TAFA1: variants seen among roughly 807,000 people sequenced by gnomAD.
TAFA1 encodes TAFA chemokine like family member 1, also known as chemokine-like protein TAFA-1.
Under a neutral mutation model 18.5 loss-of-function variants are expected in TAFA1, and 4 were observed. That is an observed-to-expected ratio of 0.22 (90% CI 0.11 to 0.49). The LOEUF (loss-of-function observed/expected upper bound fraction) is 0.49, where lower values mean the gene tolerates loss of function less well. TAFA1 is among the 20% of genes least tolerant of loss of function. TAFA1 has a pLI of 0.98. For missense variants in TAFA1, 147 were observed against 169.0 expected, an observed-to-expected ratio of 0.87 and a Z score of 0.72; for synonymous variants, 56 against 55.2, an observed-to-expected ratio of 1.01 and a Z score of -0.06.
At chr3:68,130,418 C>A (rs55942371) in intron 2 of TAFA1, among the ~76,000 whole-genome samples, 2,481 of 152,254 alleles carry the variant, frequency 0.016, 76 homozygotes, top group African/African-American at 0.057. Flanking sequence ...ATTTTTGCTG[C>A]TACCACACTC....
chr3:68,418,075 T>C (rs910237737), intron 3 of TAFA1, among the ~76,000 whole-genome samples: 1 of 152,072 alleles, frequency 6.6e-6, no homozygotes, highest in Non-Finnish European at 1.5e-5. Context: ...AAGGTCCAGC[T>C]CATTTGGGAA....
At chr3:68,496,001 A>C (rs2072541954) in intron 3 of TAFA1, among the ~76,000 whole-genome samples, 1 of 16,322 alleles carries the variant, frequency 6.1e-5, no homozygotes, top group Non-Finnish European at 2.0e-4. Flanking sequence ...CCTGAAGCAA[A>C]AAAAAAAAAA....
At chr3:68,366,104 AG>A (rs1427058974) in intron 2 of TAFA1, among the ~76,000 whole-genome samples, 14 of 151,008 alleles carry the variant, frequency 9.3e-5, no homozygotes, top group Non-Finnish European at 1.6e-4. Context: ...AAAAAAAAAA[AG>A]AAACCATCAG....
intron 2 of TAFA1, among the ~76,000 whole-genome samples, chr3:68,219,600 T>C (rs1024904121): frequency 6.6e-6 from 1 of 152,082 alleles, no homozygotes; most frequent in African/African-American, 2.4e-5. Flanking sequence ...TTTTCTCACA[T>C]AGGGCTGTTT....
chr3:68,078,922 C>T (rs573573710), intron 2 of TAFA1, among the ~76,000 whole-genome samples: 3 of 152,320 alleles, frequency 2.0e-5, no homozygotes, highest in Admixed American at 2.0e-4. Context: ...TAGAATTCGG[C>T]TGTGAATCCA....
In TAFA1 at chr3:68,417,296, A is replaced by G; in HGVS notation, c.135A>G (p.Glu45=). ...TCTTGCCAGAAGGAGGGACGTGTGA[A>G]GTGATAGCAGCACACCGATGTTGTA... is the stretch of plus-strand genomic sequence containing the variant. The part of the protein sequence containing the change: ...HLHRPEGGTC[E]VIAAHRCCNK... Residue 45 remains glutamate (E), a synonymous_variant, in exon 3 of 5, where the codon GAA becomes GAG. Transcript: ENST00000478136. 1.9e-6 allele frequency: 3 copies of G among 1,613,098 alleles called. No individual in the cohort carries two copies. The highest frequency in any genetic ancestry group is 2.5e-6 in the Non-Finnish European group (3 of 1,179,464).
chr3:68,464,699 T>C (rs1207333247), intron 3 of TAFA1, among the ~76,000 whole-genome samples: 4 of 152,154 alleles, frequency 2.6e-5, no homozygotes. Context: ...AGTGACATTA[T>C]ATGATTTGTT....
the TAFA1 span, among the ~76,000 whole-genome samples, chr3:67,997,911 A>C: frequency 6.6e-6 from 1 of 152,136 alleles, no homozygotes; most frequent in Non-Finnish European, 1.5e-5. Flanking sequence ...ACAAAAGCAC[A>C]ATACTTTAGA....
intron 3 of TAFA1, among the ~76,000 whole-genome samples, chr3:68,515,047 G>A (rs2072901177): frequency 6.6e-6 from 1 of 152,138 alleles, no homozygotes; most frequent in Admixed American, 6.5e-5. Flanking sequence ...AATTGGTTGT[G>A]AAAGTTCAAA....
At chr3:68,019,040 A>G (rs1350589936) in intron 2 of TAFA1, among the ~76,000 whole-genome samples, 2 of 152,246 alleles carry the variant, frequency 1.3e-5, no homozygotes, top group Admixed American at 6.5e-5. Context: ...TTGTGTAACA[A>G]TTCTCAGTCA....
chr3:68,038,378 A>C (rs1705095503), intron 2 of TAFA1, among the ~76,000 whole-genome samples: 1 of 152,178 alleles, frequency 6.6e-6, no homozygotes, highest in African/African-American at 2.4e-5. Context: ...TTTCAGGGTA[A>C]CCAATCAGGA....
chr3:68,079,329 T>G (rs546575032), intron 2 of TAFA1, among the ~76,000 whole-genome samples: 5 of 152,236 alleles, frequency 3.3e-5, no homozygotes, highest in Non-Finnish European at 7.4e-5. Flanking sequence ...CTGCTCTGAT[T>G]TTAGTTAGTT....
At chr3:68,274,707 C>A (rs1256963559) in intron 2 of TAFA1, among the ~76,000 whole-genome samples, 1 of 152,102 alleles carries the variant, frequency 6.6e-6, no homozygotes, top group East Asian at 1.9e-4. Flanking sequence ...TTCCCCCGCC[C>A]CGCCCCCGCC....
intron 2 of TAFA1, among the ~76,000 whole-genome samples, chr3:68,240,343 G>A (rs913888619): frequency 6.6e-6 from 1 of 152,170 alleles, no homozygotes; most frequent in African/African-American, 2.4e-5. Flanking sequence ...TGGGGGCAAA[G>A]AATGTCATCT....
At chr3:68,531,144 C>T (rs778932535) in intron 3 of TAFA1, among the ~76,000 whole-genome samples, 57 of 152,060 alleles carry the variant, frequency 3.7e-4, no homozygotes, top group South Asian at 8.3e-4. Context: ...TTAGTCTCTC[C>T]GGGCTTCAGT....
intron 2 of TAFA1, among the ~76,000 whole-genome samples, chr3:68,097,937 A>C (rs1484077033): frequency 1.3e-5 from 2 of 152,134 alleles, no homozygotes; most frequent in Non-Finnish European, 2.9e-5. Flanking sequence ...TATAGATCCT[A>C]CTTCCACATT....
intron 2 of TAFA1, among the ~76,000 whole-genome samples, chr3:68,084,268 A>G (rs749828422): frequency 2.0e-5 from 3 of 152,244 alleles, no homozygotes; most frequent in Non-Finnish European, 4.4e-5. Flanking sequence ...ATATATATTT[A>G]GCACTGGAAA....
In TAFA1 at chr3:68,264,999, T is replaced by C. The variant is rs537973790; in HGVS notation, c.119-152281T>C. The stretch of plus-strand genomic sequence containing the variant: ...TCTCCATATAGAATTCTCATATTTA[T>C]GTGAAAATGTATGCAAAAATTGTGG... On this transcript the variant is annotated intron_variant, in intron 2 of 4. Coordinates refer to ENST00000478136, the MANE Select transcript of TAFA1 (RefSeq NM_213609.4). Among the ~76,000 whole-genome samples, 195 of 152,306 alleles carry C rather than the reference T, an allele frequency of 1.3e-3. 1 individual carries two copies. Among genetic ancestry groups the C allele is most frequent in the Non-Finnish European group, 1.2e-4 (8 of 68,024 alleles).
At chr3:68,515,372 T>G (rs1429777917) in intron 3 of TAFA1, among the ~76,000 whole-genome samples, 1 of 152,204 alleles carries the variant, frequency 6.6e-6, no homozygotes, top group Admixed American at 6.5e-5. Flanking sequence ...CATAGCTATT[T>G]GTTTTTTCCA....
Sources: gnomAD v4.1 joint callset for allele counts (sites outside exome capture counted in the v4.1 genomes callset) on GRCh38, gnomAD v4.1.1 for gene constraint, MANE v1.5 for transcripts, NCBI Gene and HGNC (gene_info 2026-07-23, HGNC 2026-07-21) for gene names.